The following PFKFB3 variants were observed in gnomAD, a reference collection of about 807,000 sequenced individuals.
The protein encoded by PFKFB3 is 6-phosphofructo-2-kinase/fructose-2,6-biphosphatase 3, also known as 6-phosphofructo-2-kinase/fructose-2,6-bisphosphatase 3.
Under a neutral mutation model 68.0 loss-of-function variants are expected in PFKFB3, and 33 were observed. That is an observed-to-expected ratio of 0.49 (90% CI 0.37 to 0.65). The LOEUF is 0.65. Ranked by LOEUF, PFKFB3 falls within the 30% of genes least tolerant of loss-of-function variation. The pLI, the probability that PFKFB3 is intolerant of heterozygous loss-of-function variation, is 0.00. For synonymous variants in PFKFB3, 315 were observed against 288.2 expected (o/e 1.09, Z -0.94); for missense variants, 586 against 712.2 (o/e 0.82, Z 2.02).
chr10:6,278,325 G>T, the PFKFB3 span, among the ~76,000 whole-genome samples: 1 of 151,612 alleles, frequency 6.6e-6, no homozygotes, highest in Admixed American at 6.6e-5. Flanking sequence ...TGCCAGGCTG[G>T]AGTGCAGTGG....
intron 1 of PFKFB3, among the ~76,000 whole-genome samples, chr10:6,148,343 A>G (rs1841464199): frequency 6.6e-6 from 1 of 152,220 alleles, no homozygotes; most frequent in South Asian, 2.1e-4. Context: ...TAGACCTCAT[A>G]TTGCACCTGT....
the PFKFB3 span, among the ~76,000 whole-genome samples, chr10:6,264,197 C>T: frequency 1.3e-5 from 2 of 152,174 alleles, no homozygotes; most frequent in African/African-American, 4.8e-5. Context: ...CTAGATGTTC[C>T]ATTACGTATT....
Position 6,208,683 on chromosome 10 carries a change from G to A in PFKFB3, c.77-4940G>A, listed in dbSNP as rs528546746. On this transcript the variant is annotated intron_variant, in intron 1 of 14. Transcript: ENST00000379775. ...AGTCAGTGGGGGATACAGGCTGTGC[G>A]GGCTGCTGCCTGTCTGTCTGTGCAT... Among the ~76,000 whole-genome samples the A allele has an allele frequency of 1.3e-3, 197 of 152,072 alleles. 4 individuals are homozygous for A. The highest frequency in any genetic ancestry group is 2.5e-4 in the Non-Finnish European group (17 of 67,998).
intron 1 of PFKFB3, among the ~76,000 whole-genome samples, chr10:6,186,529 T>A (rs945276772): frequency 6.6e-6 from 1 of 152,246 alleles, no homozygotes; most frequent in Non-Finnish European, 1.5e-5. Context: ...TACATGCTAT[T>A]TAGTTATCAG....
chr10:6,241,611 C>A (rs897169571), intron 14 of PFKFB3, among the ~76,000 whole-genome samples: 2 of 152,094 alleles, frequency 1.3e-5, no homozygotes, highest in Non-Finnish European at 2.9e-5. Flanking sequence ...GTGGGAGGAT[C>A]GCTTAAGCCC....
At chr10:6,309,189 A>G in the PFKFB3 span, among the ~76,000 whole-genome samples, 3 of 152,254 alleles carry the variant, frequency 2.0e-5, no homozygotes, top group East Asian at 5.8e-4. Context: ...CATTTATGCG[A>G]CAAACTAGAA....
chr10:6,187,202 A>AAAAAAG (rs1177891704), intron 1 of PFKFB3, among the ~76,000 whole-genome samples: 7 of 151,796 alleles, frequency 4.6e-5, no homozygotes, highest in Non-Finnish European at 8.8e-5. Context: ...TTCTACTAAA[A>AAAAAAG]AAAAAAAAAT....
intron 1 of PFKFB3, among the ~76,000 whole-genome samples, chr10:6,161,823 A>G (rs1841984283): frequency 1.3e-5 from 2 of 152,154 alleles, no homozygotes; most frequent in Non-Finnish European, 2.9e-5. Flanking sequence ...AATTTTGTAG[A>G]AACAGGGTTT....
At chr10:6,277,871 C>A in the PFKFB3 span, 1 of 208,568 alleles carries the variant, frequency 4.8e-6, no homozygotes, top group South Asian at 5.3e-5. Flanking sequence ...TGGACTTCTT[C>A]ATTCAGAAGG....
intron 1 of PFKFB3, among the ~76,000 whole-genome samples, chr10:6,188,670 G>A (rs1202045560): frequency 1.8e-4 from 27 of 151,482 alleles, no homozygotes; most frequent in Admixed American, 1.8e-3. Flanking sequence ...TGCCCCTGAC[G>A]TCCCCCGTTC....
chr10:6,146,672 C>T (rs1369101863), intron 1 of PFKFB3, among the ~76,000 whole-genome samples: 1 of 152,230 alleles, frequency 6.6e-6, no homozygotes, highest in Non-Finnish European at 1.5e-5. Context: ...CTTCTGTTTA[C>T]TTGTGCGCTC....
chr10:6,270,720 A>G, the PFKFB3 span, among the ~76,000 whole-genome samples: 1 of 152,320 alleles, frequency 6.6e-6, no homozygotes, highest in Non-Finnish European at 1.5e-5. Context: ...ATTAGGCCCT[A>G]TGACATGCGC....
At chr10:6,185,639 CT>C (rs59230234) in intron 1 of PFKFB3, among the ~76,000 whole-genome samples, 57 of 120,512 alleles carry the variant, frequency 4.7e-4, no homozygotes, top group Admixed American at 8.9e-4. Context: ...CTCCCCGCTC[CT>C]TTTTTTTTTT....
At chr10:6,260,363 G>A in the PFKFB3 span, among the ~76,000 whole-genome samples, 48 of 148,538 alleles carry the variant, frequency 3.2e-4, no homozygotes, top group African/African-American at 1.1e-3. Context: ...GCAGTGAGCC[G>A]AGATTGCGCC....
the PFKFB3 span, among the ~76,000 whole-genome samples, chr10:6,287,778 CTAT>C: frequency 6.6e-6 from 1 of 152,024 alleles, no homozygotes; most frequent in Non-Finnish European, 1.5e-5. Context: ...TACATTATTA[CTAT>C]TATTATTTTG....
At chr10:6,187,553 C>A (rs1224301802) in intron 1 of PFKFB3, among the ~76,000 whole-genome samples, 1 of 152,172 alleles carries the variant, frequency 6.6e-6, no homozygotes, top group African/African-American at 2.4e-5. Context: ...TTACTCATTT[C>A]ACGTTGGGCA....
chr10:6,221,264 G>T (rs968984683), intron 8 of PFKFB3, 117 bp from the exon 9 acceptor site: 43 of 1,285,188 alleles, frequency 3.3e-5, no homozygotes, highest in Non-Finnish European at 4.5e-5. Context: ...AGTGGCCTGG[G>T]GCCCCCACGG....
At position 6,229,527 on chromosome 10, in the gene PFKFB3, T is replaced by TG. The variant is rs1333036590; in HGVS notation, c.1515+3163dup. ...TCGTGTACCCCCACAGCCACCCCCT[T>TG]GCAGCTGCTTCCCACAGCCAGGCTT... is the stretch of plus-strand genomic sequence containing the variant. On this transcript the variant is annotated intron_variant, in intron 14 of 14. Transcript: ENST00000379775. The surrounding 1 kb of genome is among the most constrained non-coding windows in gnomAD (Gnocchi z 4.3). Among the ~76,000 whole-genome samples, 1 of 152,158 alleles carries TG rather than the reference T, an allele frequency of 6.6e-6. No homozygotes were observed. The highest frequency in any genetic ancestry group is 2.4e-5 in the African/African-American group (1 of 41,444).
chr10:6,201,161 A>G (rs1385679196), upstream of PFKFB3, among the ~76,000 whole-genome samples: 1 of 150,776 alleles, frequency 6.6e-6, no homozygotes, highest in Non-Finnish European at 1.5e-5. The surrounding 1 kb of genome is among the most constrained non-coding windows in gnomAD (Gnocchi z 4.1). Flanking sequence ...ACCCCCGCGA[A>G]CCCCAGGGCG....
Sources: gnomAD v4.1 joint callset for allele counts (sites outside exome capture counted in the v4.1 genomes callset) on GRCh38, gnomAD v4.1.1 for gene constraint, Gnocchi (gnomAD v3.1) non-coding constraint, MANE v1.5 for transcripts, NCBI Gene and HGNC (gene_info 2026-07-23, HGNC 2026-07-21) for gene names.